Variants in WASL observed in about 807,000 individuals in gnomAD.
The protein encoded by WASL is WASP like actin nucleation promoting factor, also known as actin nucleation-promoting factor WASL.
A neutral mutation model predicts 55.5 loss-of-function variants in WASL; 20 were observed. That is an observed-to-expected ratio of 0.36 (90% CI 0.25 to 0.52). The LOEUF is 0.52. WASL is among the 20% of genes least tolerant of loss of function. The pLI is 0.92. For missense variants in WASL, 504 were observed against 622.5 expected (o/e 0.81, Z 2.03); for synonymous variants, 249 against 217.6 (o/e 1.14, Z -1.27).
At position 123,686,349 on chromosome 7, in the gene WASL, T is replaced by C. The variant is rs1803288702; in HGVS notation, c.1457-1769A>G. 3.3e-5 allele frequency among the ~76,000 whole-genome samples: 5 copies of C among 152,152 alleles called. No homozygotes were observed. In the South Asian group the frequency reaches 1.0e-3, roughly 32 times the overall value. On this transcript the variant is annotated intron_variant, in intron 10 of 10. Transcript: ENST00000223023. ...GCTACCAGATTTTGCTAGACATGCT[T>C]CACAAAATTTACCTGGATGAAAAGC...
chr7:123,695,352 T>G lies in WASL; in HGVS notation c.672+471A>C, dbSNP rs184531186. Among the ~76,000 whole-genome samples, 375 of 152,226 alleles carry G rather than the reference T, an allele frequency of 2.5e-3. 1 individual carries two copies. The highest frequency in any genetic ancestry group is 8.6e-3 in the African/African-American group (357 of 41,554). On this transcript the variant is annotated intron_variant, in intron 7 of 10. Transcript: ENST00000223023. ...TTTTTTACTCCAATCACAAATAATA[T>G]CTCTTTAAAATAATGCATCCAAACG...
chr7:123,693,091 T>C (rs1803439811), intron 8 of WASL, among the ~76,000 whole-genome samples: 1 of 152,152 alleles, frequency 6.6e-6, no homozygotes, highest in African/African-American at 2.4e-5. Context: ...TAAAAAAATA[T>C]GAGCTAAAAC....
chr7:123,706,101 T>A (rs1368917118), intron 4 of WASL, among the ~76,000 whole-genome samples, 176 bp downstream of exon 4: 1 of 152,166 alleles, frequency 6.6e-6, no homozygotes, highest in Non-Finnish European at 1.5e-5. Context: ...GGACCATATA[T>A]CACTGTCATC....
chr7:123,734,591 T>TAAAA (rs71161498), intron 1 of WASL, among the ~76,000 whole-genome samples: 23 of 92,352 alleles, frequency 2.5e-4, no homozygotes, highest in East Asian at 3.1e-4. Flanking sequence ...ATAGAAAATG[T>TAAAA]AAAAAAAAAA....
intron 5 of WASL, among the ~76,000 whole-genome samples, chr7:123,701,357 C>G (rs1803586360): frequency 6.6e-6 from 1 of 152,076 alleles, no homozygotes; most frequent in Non-Finnish European, 1.5e-5. Flanking sequence ...AATTTTAAAT[C>G]TAAAAGAACT....
chr7:123,722,501 C>A (rs1035122122), intron 1 of WASL, among the ~76,000 whole-genome samples: 2 of 152,080 alleles, frequency 1.3e-5, no homozygotes, highest in Non-Finnish European at 2.9e-5. Flanking sequence ...ATGTTAATAA[C>A]CTAAAAAGGA....
At chr7:123,714,275 G>T (rs929443513) in intron 1 of WASL, among the ~76,000 whole-genome samples, 1 of 151,994 alleles carries the variant, frequency 6.6e-6, no homozygotes, top group South Asian at 2.1e-4. Flanking sequence ...TCCAGGAAAA[G>T]AAAACACAAA....
intron 1 of WASL, among the ~76,000 whole-genome samples, chr7:123,746,867 G>A (rs1804439950): frequency 6.6e-6 from 1 of 152,212 alleles, no homozygotes; most frequent in Admixed American, 6.5e-5. Flanking sequence ...TAAAGTTAAT[G>A]TGTCTGGTAT....
chr7:123,743,134 C>T (rs1404352619), intron 1 of WASL, among the ~76,000 whole-genome samples: 2 of 151,968 alleles, frequency 1.3e-5, no homozygotes, highest in Non-Finnish European at 2.9e-5. Flanking sequence ...GTCAGGAGTT[C>T]GAGACCAGCC....
chr7:123,730,011 T>C lies in WASL; in HGVS notation c.117+18607A>G, dbSNP rs567126058. ...AAAGTTAAGAATTATATTGGACTTC[T>C]CTTCAGAAATCATGCAAACAAGGAG... On this transcript the variant is annotated intron_variant, in intron 1 of 10. Transcript: ENST00000223023. 5.9e-5 allele frequency among the ~76,000 whole-genome samples: 9 copies of C among 152,272 alleles called. No individual in the cohort carries two copies. The South Asian group carries it at 1.7e-3, about 28-fold the overall frequency.
chr7:123,711,554 C>A (rs76891069), intron 1 of WASL, among the ~76,000 whole-genome samples: 2,608 of 152,262 alleles, frequency 0.017, 75 homozygotes, highest in African/African-American at 0.059. Flanking sequence ...CATACCACAG[C>A]ACCTTGTAAA....
chr7:123,697,283 G>A (rs1803508897), intron 5 of WASL, among the ~76,000 whole-genome samples: 2 of 151,956 alleles, frequency 1.3e-5, no homozygotes, highest in African/African-American at 2.4e-5. Context: ...CCACCAGTAC[G>A]CATACACCTT....
chr7:123,702,833 G>C (rs1239741930), intron 5 of WASL, among the ~76,000 whole-genome samples: 1 of 151,984 alleles, frequency 6.6e-6, no homozygotes, highest in African/African-American at 2.4e-5. Flanking sequence ...ATCCATGGGG[G>C]GATCCTGGAA....
intron 9 of WASL, 95 bp downstream of exon 9, chr7:123,692,252 A>G: frequency 6.9e-7 from 1 of 1,458,286 alleles, no homozygotes; most frequent in African/African-American, 1.4e-5. Flanking sequence ...CAAGAGGAAA[A>G]AAGAATACAC....
intron 1 of WASL, among the ~76,000 whole-genome samples, chr7:123,734,289 A>G (rs1358852028): frequency 1.3e-5 from 2 of 152,206 alleles, no homozygotes; most frequent in Non-Finnish European, 2.9e-5. Context: ...AAGCTCATCA[A>G]TAAGACATAA....
chr7:123,697,823 T>C (rs747847535), intron 5 of WASL, among the ~76,000 whole-genome samples: 6 of 152,210 alleles, frequency 3.9e-5, no homozygotes, highest in Admixed American at 6.5e-5. Flanking sequence ...TCTAAACTGT[T>C]TGTGCTAACA....
intron 5 of WASL, among the ~76,000 whole-genome samples, chr7:123,699,953 G>A (rs919311054): frequency 6.6e-5 from 10 of 151,966 alleles, no homozygotes; most frequent in Admixed American, 5.2e-4. Context: ...GAGACGGGCG[G>A]ATCACGAGGT....
At chr7:123,734,366 A>G (rs189224380) in intron 1 of WASL, among the ~76,000 whole-genome samples, 3 of 152,294 alleles carry the variant, frequency 2.0e-5, no homozygotes. Flanking sequence ...CAAATGGCAA[A>G]TAGTCATATG....
At chr7:123,731,196 A>G (rs1259923386) in intron 1 of WASL, among the ~76,000 whole-genome samples, 2 of 152,216 alleles carry the variant, frequency 1.3e-5, no homozygotes, top group East Asian at 1.9e-4. Context: ...ATATATGCAC[A>G]CATATATACC....
Sources: gnomAD v4.1 joint callset for allele counts (sites outside exome capture counted in the v4.1 genomes callset) on GRCh38, gnomAD v4.1.1 for gene constraint, MANE v1.5 for transcripts, NCBI Gene and HGNC (gene_info 2026-07-23, HGNC 2026-07-21) for gene names.